Variants in ROBO2 observed in about 807,000 individuals in gnomAD.
ROBO2 encodes the protein roundabout guidance receptor 2, also known as roundabout homolog 2.
In ROBO2, 53 loss-of-function variants were observed where a neutral mutation model predicts 160.8. The ratio of observed to expected loss-of-function variants is 0.33; its 90% CI spans 0.26 to 0.41. The LOEUF (loss-of-function observed/expected upper bound fraction) is 0.41, where lower values mean the gene tolerates loss of function less well. Among genes scored for constraint, ROBO2 ranks in the 10% least tolerant of loss-of-function variants. The pLI is 1.00. For missense variants in ROBO2, 1,577 were observed against 1,722.4 expected, an observed-to-expected ratio of 0.92 and a Z score of 1.49; for synonymous variants, 664 against 611.7, an observed-to-expected ratio of 1.09 and a Z score of -1.26.
intron 2 of ROBO2, among the ~76,000 whole-genome samples, chr3:76,133,555 G>A (rs886680977): frequency 6.6e-6 from 1 of 152,062 alleles, no homozygotes; most frequent in Non-Finnish European, 1.5e-5. Context: ...GAGCCAGGAA[G>A]CCAGTCTGAG....
intron 2 of ROBO2, among the ~76,000 whole-genome samples, chr3:76,577,930 G>A (rs909804501): frequency 6.6e-6 from 1 of 151,990 alleles, no homozygotes; most frequent in Non-Finnish European, 1.5e-5. Context: ...GTTTTACATC[G>A]CTTTTCTCCT....
At chr3:76,722,505 G>C (rs927094736) in intron 2 of ROBO2, among the ~76,000 whole-genome samples, 1 of 152,070 alleles carries the variant, frequency 6.6e-6, no homozygotes, top group Admixed American at 6.5e-5. Context: ...AATTTAGTGG[G>C]TTTTAGCACA....
At position 77,538,809 on chromosome 3, in the gene ROBO2, C is replaced by G. The variant is rs1220871965; in HGVS notation, c.935-7529C>G. 1.1e-5 allele frequency: 5 copies of G among 454,336 alleles called. No individual in the cohort carries two copies. The East Asian group carries it at 2.5e-4, about 22-fold the overall frequency. The allele number at this position is 454,336 out of a possible 1,614,324, so 28.1% of individuals were successfully genotyped here. On this transcript the variant is annotated intron_variant, in intron 6 of 25. Coordinates refer to ENST00000461745, the Ensembl canonical transcript of ROBO2. ...GAATATAAATTGAGTAAACATTTAT[C>G]TCTTACTACTGGTCTATAATTGCAT...
intron 2 of ROBO2, among the ~76,000 whole-genome samples, chr3:76,461,121 C>T (rs1038978701): frequency 1.3e-5 from 2 of 152,190 alleles, no homozygotes; most frequent in Non-Finnish European, 2.9e-5. Flanking sequence ...GTGCTGGCAT[C>T]TTCTGGGCTT....
At chr3:75,915,800 A>G (rs1461132219) in intron 1 of ROBO2, among the ~76,000 whole-genome samples, 2 of 152,202 alleles carry the variant, frequency 1.3e-5, no homozygotes, top group African/African-American at 4.8e-5. Context: ...ACCTTTTGCT[A>G]CCTCTGCTGG....
intron 2 of ROBO2, among the ~76,000 whole-genome samples, chr3:76,547,715 T>C (rs2108311289): frequency 6.6e-6 from 1 of 152,232 alleles, no homozygotes; most frequent in East Asian, 1.9e-4. Flanking sequence ...AACCAATGCA[T>C]ATTTTAAAAA....
At chr3:76,349,938 C>T (rs979248203) in intron 2 of ROBO2, among the ~76,000 whole-genome samples, 1 of 151,864 alleles carries the variant, frequency 6.6e-6, no homozygotes, top group Admixed American at 6.6e-5. Flanking sequence ...GTATCTTTAG[C>T]TTCAAAGGCT....
Position 77,503,737 on chromosome 3 carries a change from TA to T in ROBO2, c.806+10356del, listed in dbSNP as rs568119109. On this transcript the variant is annotated intron_variant, in intron 5 of 25. Transcript: ENST00000461745. Reference sequence around the variant, plus strand: ...GGCTATATATTTTCTACCCAATAAATATTTTTTTCATTTTTTTAAAACTATG... The same window carrying T: ...GGCTATATATTTTCTACCCAATAAATTTTTTTTCATTTTTTTAAAACTATG... Among the ~76,000 whole-genome samples the T allele has an allele frequency of 2.0e-3, 303 of 151,758 alleles. 4 individuals are homozygous for T. Among genetic ancestry groups the T allele is most frequent in the African/African-American group, 7.0e-3 (289 of 41,228 alleles).
At chr3:76,647,410 C>T (rs887823604) in intron 2 of ROBO2, among the ~76,000 whole-genome samples, 1 of 152,022 alleles carries the variant, frequency 6.6e-6, no homozygotes, top group Non-Finnish European at 1.5e-5. Flanking sequence ...AAAGCAGAAA[C>T]GGGGCGAGCC....
At chr3:76,182,157 A>G (rs1701538396) in intron 2 of ROBO2, among the ~76,000 whole-genome samples, 1 of 145,140 alleles carries the variant, frequency 6.9e-6, no homozygotes. Context: ...ATGAAAAGAA[A>G]GCAATTGAAT....
intron 2 of ROBO2, among the ~76,000 whole-genome samples, chr3:77,119,812 G>A (rs543096515): frequency 5.9e-5 from 9 of 152,244 alleles, no homozygotes; most frequent in African/African-American, 1.9e-4. Flanking sequence ...TAAGAGTTGC[G>A]GTTTTATGGA....
intron 2 of ROBO2, among the ~76,000 whole-genome samples, chr3:76,243,939 A>AT (rs1559678061): frequency 6.6e-6 from 1 of 151,680 alleles, no homozygotes; most frequent in Non-Finnish European, 1.5e-5. Flanking sequence ...TTTTTTTTTA[A>AT]TTTGGGAAGA....
chr3:77,554,169 T>C (rs761889877), intron 8 of ROBO2, among the ~76,000 whole-genome samples: 13 of 151,884 alleles, frequency 8.6e-5, no homozygotes, highest in Non-Finnish European at 1.6e-4. Flanking sequence ...GCTCTGTAAA[T>C]GGAAAAACAA....
chr3:76,783,314 A>T (rs1560553524), intron 2 of ROBO2, among the ~76,000 whole-genome samples: 1 of 151,002 alleles, frequency 6.6e-6, no homozygotes, highest in South Asian at 2.1e-4. Context: ...ACATAATTAC[A>T]CTACTAGAGT....
chr3:76,876,622 C>A (rs2072752256), intron 2 of ROBO2, among the ~76,000 whole-genome samples: 1 of 151,848 alleles, frequency 6.6e-6, no homozygotes, highest in East Asian at 1.9e-4. Flanking sequence ...CTGCAGTGAG[C>A]CGAGATCATG....
intron 2 of ROBO2, among the ~76,000 whole-genome samples, chr3:76,303,890 G>A (rs780534139): frequency 1.4e-4 from 22 of 152,116 alleles, no homozygotes; most frequent in Admixed American, 7.9e-4. Flanking sequence ...TGTGCAACCC[G>A]GTGATACTCA....
At chr3:76,008,779 C>T (rs1386499695) in intron 2 of ROBO2, among the ~76,000 whole-genome samples, 1 of 151,756 alleles carries the variant, frequency 6.6e-6, no homozygotes, top group Non-Finnish European at 1.5e-5. Flanking sequence ...GGCTGAAGCA[C>T]CTATGACAAA....
At chr3:76,217,011 C>A (rs1338273390) in intron 2 of ROBO2, among the ~76,000 whole-genome samples, 1 of 152,114 alleles carries the variant, frequency 6.6e-6, no homozygotes, top group Non-Finnish European at 1.5e-5. Flanking sequence ...GAAACTCACT[C>A]AAAACCGCTC....
At chr3:76,787,328 CCA>C (rs60806662) in intron 2 of ROBO2, among the ~76,000 whole-genome samples, 14,817 of 142,126 alleles carry the variant, frequency 0.1, 824 homozygotes, top group Middle Eastern at 0.21. Context: ...TGTAAACACA[CCA>C]CACACACACA....
Sources: gnomAD v4.1 joint callset for allele counts (sites outside exome capture counted in the v4.1 genomes callset) on GRCh38, gnomAD v4.1.1 for gene constraint, MANE v1.5 for transcripts, NCBI Gene and HGNC (gene_info 2026-07-23, HGNC 2026-07-21) for gene names.